FBXL7: variants seen among roughly 807,000 people sequenced by gnomAD.
FBXL7 encodes F-box and leucine rich repeat protein 7, also known as F-box/LRR-repeat protein 7.
FBXL7 carries 12 observed loss-of-function variants against 38.3 expected under a neutral mutation model. The ratio of observed to expected loss-of-function variants is 0.31; its 90% CI spans 0.20 to 0.51. The LOEUF is 0.51. Among genes scored for constraint, FBXL7 ranks in the 20% least tolerant of loss-of-function variants. FBXL7 has a pLI of 0.98. For missense variants in FBXL7, 567 were observed against 676.4 expected (o/e 0.84, Z 1.79); for synonymous variants, 297 against 300.9 (o/e 0.99, Z 0.13).
intron 2 of FBXL7, among the ~76,000 whole-genome samples, chr5:15,859,087 C>T (rs1337177428): frequency 2.0e-5 from 3 of 152,092 alleles, no homozygotes; most frequent in African/African-American, 7.2e-5. Flanking sequence ...TCAAAGAAGC[C>T]ATCCAATTGT....
intron 2 of FBXL7, among the ~76,000 whole-genome samples, chr5:15,814,361 A>T (rs1737953853): frequency 6.6e-6 from 1 of 152,110 alleles, no homozygotes; most frequent in Non-Finnish European, 1.5e-5. Context: ...CTCACTCTTA[A>T]GTAGGAGTCG....
intron 2 of FBXL7, among the ~76,000 whole-genome samples, chr5:15,894,949 C>A (rs1741048427): frequency 1.3e-5 from 2 of 151,972 alleles, no homozygotes; most frequent in Admixed American, 1.3e-4. Flanking sequence ...AATAAGCCTT[C>A]CAAACAGTTT....
chr5:15,666,886 C>G (rs551367018), intron 2 of FBXL7, among the ~76,000 whole-genome samples: 1 of 152,204 alleles, frequency 6.6e-6, no homozygotes, highest in South Asian at 2.1e-4. Context: ...TCTCTTGGCT[C>G]CAAGAAGAGC....
chr5:15,608,855 A>G (rs1302316289), intron 1 of FBXL7, among the ~76,000 whole-genome samples: 5 of 152,158 alleles, frequency 3.3e-5, no homozygotes, highest in South Asian at 2.1e-4. Context: ...TGTAACCTCC[A>G]TTGGTTCTGT....
chr5:15,621,224 C>T (rs916177510), intron 2 of FBXL7, among the ~76,000 whole-genome samples: 3 of 152,052 alleles, frequency 2.0e-5, no homozygotes, highest in Admixed American at 1.3e-4. Context: ...GTGGTGTAGA[C>T]GTTCTTTACA....
At chr5:15,596,688 G>C (rs902681489) in intron 1 of FBXL7, among the ~76,000 whole-genome samples, 1 of 152,326 alleles carries the variant, frequency 6.6e-6, no homozygotes, top group Admixed American at 6.5e-5. Flanking sequence ...CCAAGGCGGG[G>C]AGAAGGGCTG....
intron 2 of FBXL7, among the ~76,000 whole-genome samples, chr5:15,793,411 C>T (rs1392421536): frequency 6.6e-6 from 1 of 152,182 alleles, no homozygotes; most frequent in Non-Finnish European, 1.5e-5. Context: ...GTCTCACACA[C>T]TTTCTCCTCC....
chr5:15,822,296 A>T (rs1184839230), intron 2 of FBXL7, among the ~76,000 whole-genome samples: 1 of 151,684 alleles, frequency 6.6e-6, no homozygotes, highest in Non-Finnish European at 1.5e-5. Context: ...CAGGAGGCAG[A>T]GGTTGCAGTG....
At chr5:15,654,842 TCTTA>T (rs1416012985) in intron 2 of FBXL7, among the ~76,000 whole-genome samples, 2 of 152,190 alleles carry the variant, frequency 1.3e-5, no homozygotes, top group Non-Finnish European at 2.9e-5. Flanking sequence ...CTACCATAAG[TCTTA>T]CTTTATTTTT....
At chr5:15,689,112 G>A (rs1020421118) in intron 2 of FBXL7, among the ~76,000 whole-genome samples, 2 of 152,172 alleles carry the variant, frequency 1.3e-5, no homozygotes, top group Non-Finnish European at 2.9e-5. Flanking sequence ...CTCCAACGGT[G>A]CACGTCATGG....
intron 2 of FBXL7, among the ~76,000 whole-genome samples, chr5:15,708,414 T>G (rs1743757522): frequency 6.6e-6 from 1 of 152,244 alleles, no homozygotes; most frequent in African/African-American, 2.4e-5. Context: ...TTTTCCCTGC[T>G]AATTCACTCC....
chr5:15,851,771 C>T (rs553971042), intron 2 of FBXL7, among the ~76,000 whole-genome samples: 2 of 151,628 alleles, frequency 1.3e-5, no homozygotes, highest in South Asian at 2.1e-4. Flanking sequence ...GCTATTCTCA[C>T]GCAAATAAAT....
chr5:15,712,233 G>A (rs1433514780), intron 2 of FBXL7, among the ~76,000 whole-genome samples: 1 of 152,000 alleles, frequency 6.6e-6, no homozygotes, highest in African/African-American at 2.4e-5. Context: ...TGCAAAATAT[G>A]TGTAAAATGA....
chr5:15,874,994 C>T lies in FBXL7; in HGVS notation c.128-52896C>T, dbSNP rs532252643. 4.3e-3 allele frequency among the ~76,000 whole-genome samples: 649 copies of T among 152,210 alleles called. 2 individuals carry two copies. Among genetic ancestry groups the T allele is most frequent in the Non-Finnish European group, 6.5e-3 (440 of 67,980 alleles). On this transcript the variant is annotated intron_variant, in intron 2 of 3. Transcript: ENST00000504595. ...AAAAAGAACAAAGCTGGAGGCATCA[C>T]GCTACCTGACTTCAAACTATACTAC... is the stretch of plus-strand genomic sequence containing the variant.
chr5:15,504,824 G>A (rs1224666704), intron 1 of FBXL7, among the ~76,000 whole-genome samples: 1 of 152,202 alleles, frequency 6.6e-6, no homozygotes, highest in African/African-American at 2.4e-5. Context: ...GAAAAGAGAA[G>A]CTGCTCTCCC....
rs533132481 is a variant in FBXL7, at chr5:15,769,720, A to G, written c.127+153648A>G. Among the ~76,000 whole-genome samples, 59 of 102,090 alleles carry G rather than the reference A, an allele frequency of 5.8e-4. No individual in the cohort carries two copies. In the South Asian group the frequency reaches 0.022, roughly 39 times the overall value. The allele number at this position is 102,090 out of a possible 152,430, so 67.0% of individuals were successfully genotyped here. A position where few individuals can be genotyped will look rare whatever the true frequency, so the allele number is the denominator to read the frequency against. ...ACAAATAAATTCAGTAGGATCCTGGATGGGTTTCTGGACACGAAAAAAAAA... is the reference window on the plus strand; with the variant it reads ...ACAAATAAATTCAGTAGGATCCTGGGTGGGTTTCTGGACACGAAAAAAAAA... On this transcript the variant is annotated intron_variant, in intron 2 of 3. Coordinates refer to ENST00000504595, the MANE Select transcript of FBXL7 (RefSeq NM_012304.5).
intron 3 of FBXL7, among the ~76,000 whole-genome samples, chr5:15,931,083 G>A (rs148315747): frequency 9.2e-5 from 14 of 152,290 alleles, no homozygotes; most frequent in African/African-American, 3.1e-4. Context: ...TGCAGAAAAT[G>A]CTCATCTGGG....
chr5:15,552,622 G>C (rs1025454965), intron 1 of FBXL7, among the ~76,000 whole-genome samples: 8 of 152,120 alleles, frequency 5.3e-5, no homozygotes, highest in African/African-American at 1.9e-4. Flanking sequence ...TTCAGGCCCT[G>C]GGCTATTGCA....
chr5:15,838,266 A>G (rs1579507240), intron 2 of FBXL7, among the ~76,000 whole-genome samples: 1 of 152,324 alleles, frequency 6.6e-6, no homozygotes, highest in East Asian at 1.9e-4. Flanking sequence ...GTACAGTTCT[A>G]GAGGCTGGAG....
Sources: gnomAD v4.1 joint callset for allele counts (sites outside exome capture counted in the v4.1 genomes callset) on GRCh38, gnomAD v4.1.1 for gene constraint, MANE v1.5 for transcripts, NCBI Gene and HGNC (gene_info 2026-07-23, HGNC 2026-07-21) for gene names.